CRMP1: variants seen among roughly 807,000 people sequenced by gnomAD.
CRMP1 encodes the protein collapsin response mediator protein 1.
In CRMP1, 19 loss-of-function variants were observed where a neutral mutation model predicts 68.3. The observed-to-expected ratio is 0.28, with a 90% confidence interval of 0.19 to 0.41. The LOEUF is 0.41. Ranked by LOEUF, CRMP1 falls within the 10% of genes least tolerant of loss-of-function variation. CRMP1 has a pLI of 1.00. For missense variants in CRMP1, 791 were observed against 967.4 expected (o/e 0.82, Z 2.42); for synonymous variants, 439 against 399.6 (o/e 1.10, Z -1.18).
chr4:5,831,165 G>GT (rs1430706719), intron 11 of CRMP1, among the ~76,000 whole-genome samples: 7 of 151,916 alleles, frequency 4.6e-5, no homozygotes, highest in African/African-American at 1.7e-4. Flanking sequence ...ACCCAGTTTG[G>GT]TTTCAAACTC....
chr4:5,888,697 C>T lies in CRMP1; in HGVS notation c.381+3892G>A. 1.2e-6 allele frequency: 1 copy of T among 862,690 alleles called. No individual in the cohort carries two copies. Among genetic ancestry groups the T allele is most frequent in the Non-Finnish European group, 1.4e-6 (1 of 718,964 alleles). The allele number at this position is 862,690 out of a possible 1,614,324, so 53.4% of individuals were successfully genotyped here. On this transcript the variant is annotated intron_variant, in intron 1 of 13. Transcript: ENST00000324989. The surrounding 1 kb of genome is among the most constrained non-coding windows in gnomAD (Gnocchi z 6.4). Reference sequence around the variant, plus strand: ...ACACGCCCTTGGCGGGCCCTGGCCTCGCTCTCGCGATCCAGAGAGTATGGT... The same window carrying T: ...ACACGCCCTTGGCGGGCCCTGGCCTTGCTCTCGCGATCCAGAGAGTATGGT...
At chr4:5,836,587 C>T (rs1238113638) in intron 10 of CRMP1, among the ~76,000 whole-genome samples, 178 bp downstream of exon 10, 1 of 152,236 alleles carries the variant, frequency 6.6e-6, no homozygotes, top group Non-Finnish European at 1.5e-5. Context: ...AGAGGCCTCT[C>T]CCGGACTTGA....
rs765182852 is a variant in CRMP1, at chr4:5,861,617, T to C, written c.471-407A>G. ...TTCCTCCAGGAGGTTAAATTCCAAATGGGGAAGGAGGGAAAAGAGCCTACG... is the reference window on the plus strand; with the variant it reads ...TTCCTCCAGGAGGTTAAATTCCAAACGGGGAAGGAGGGAAAAGAGCCTACG... On this transcript the variant is annotated intron_variant, in intron 2 of 13. Coordinates refer to ENST00000324989, the MANE Select transcript of CRMP1 (RefSeq NM_001014809.3). The surrounding 1 kb of genome is among the most constrained non-coding windows in gnomAD (Gnocchi z 6.0). 6.6e-6 allele frequency among the ~76,000 whole-genome samples: 1 copy of C among 151,902 alleles called. No homozygotes were observed. The highest frequency in any genetic ancestry group is 2.4e-5 in the African/African-American group (1 of 41,366).
chr4:5,836,261 G>A (rs1720715551), intron 10 of CRMP1, among the ~76,000 whole-genome samples, 176 bp from the exon 11 acceptor site: 1 of 152,182 alleles, frequency 6.6e-6, no homozygotes, highest in Non-Finnish European at 1.5e-5. Flanking sequence ...TCATCAGAGA[G>A]GACATTTAAT....
intron 1 of CRMP1, among the ~76,000 whole-genome samples, chr4:5,880,725 A>T (rs1379584647): frequency 6.6e-6 from 1 of 152,226 alleles, no homozygotes; most frequent in Non-Finnish European, 1.5e-5. Context: ...TTTGAGCTCC[A>T]AAACTCCTCA....
At chr4:5,857,488 CCATCATCACCACCATTGT>C in intron 3 of CRMP1, among the ~76,000 whole-genome samples, 1 of 152,070 alleles carries the variant, frequency 6.6e-6, no homozygotes, top group Non-Finnish European at 1.5e-5. Context: ...TTCATTACCA[CCATCATCACCACCATTGT>C]CATCATCATC....
chr4:5,845,304 G>A (rs950834559), intron 6 of CRMP1, among the ~76,000 whole-genome samples: 9 of 152,162 alleles, frequency 5.9e-5, no homozygotes, highest in Non-Finnish European at 8.8e-5. Flanking sequence ...TGTCACTCCC[G>A]AGGTCAGGTT....
rs1047249419 is a variant in CRMP1 at position 5,834,221 on chromosome 4, G to A, written c.1623+1694C>T. Among the ~76,000 whole-genome samples, 3 of 152,232 alleles carry A rather than the reference G, an allele frequency of 2.0e-5. No individual in the cohort carries two copies. The highest frequency in any genetic ancestry group is 7.2e-5 in the African/African-American group (3 of 41,458). On this transcript the variant is annotated intron_variant, in intron 11 of 13. Transcript: ENST00000324989. The surrounding 1 kb of genome is among the most constrained non-coding windows in gnomAD (Gnocchi z 4.3). ...AGATGGCGGTAGGAGTGCACACCCT[G>A]TGCTATGGTTGGAATATCCCCTCAA...
At chr4:5,836,398 TC>T (rs757912483) in intron 10 of CRMP1, among the ~76,000 whole-genome samples, 1 of 152,182 alleles carries the variant, frequency 6.6e-6, no homozygotes, top group Non-Finnish European at 1.5e-5. Context: ...ACCCAGCTCT[TC>T]CTCTGCAACA....
intron 1 of CRMP1, among the ~76,000 whole-genome samples, chr4:5,886,662 C>A (rs1161704441): frequency 6.6e-6 from 1 of 152,246 alleles, no homozygotes; most frequent in Non-Finnish European, 1.5e-5. Flanking sequence ...GGGCACACAG[C>A]CTCAAACCCA....
At chr4:5,824,653 A>C (rs1274133788) in intron 13 of CRMP1, 6 of 935,644 alleles carry the variant, frequency 6.4e-6, no homozygotes, top group Non-Finnish European at 7.5e-6. Flanking sequence ...GCTATTGAAT[A>C]TAACATCCTA....
In CRMP1 at chr4:5,821,878, G is replaced by GA; in HGVS notation, c.1970-28dup. The GA allele has an allele frequency of 6.3e-7, 1 of 1,578,554 alleles. No homozygotes were observed. The highest frequency in any genetic ancestry group is 1.3e-5 in the African/African-American group (1 of 74,776). On this transcript the variant is annotated intron_variant, in intron 13 of 13. Coordinates refer to ENST00000324989, the MANE Select transcript of CRMP1 (RefSeq NM_001014809.3). This position sits in a 1 kb window ranked among gnomAD's most constrained non-coding sequence, Gnocchi z 4.4. ...TGAAAGAGAGCGCCAATCGCTGCTGGATGGGATCTGTTAGCATCAGTTCCA... is the reference window on the plus strand; with the variant it reads ...TGAAAGAGAGCGCCAATCGCTGCTGGAATGGGATCTGTTAGCATCAGTTCCA...
At chr4:5,886,121 T>G (rs1329831202) in intron 1 of CRMP1, among the ~76,000 whole-genome samples, 1 of 152,206 alleles carries the variant, frequency 6.6e-6, no homozygotes, top group Non-Finnish European at 1.5e-5. Context: ...CCACAAACGC[T>G]TCTGGCTGAT....
rs532810194 is a variant in CRMP1 at position 5,870,939 on chromosome 4, G to A, written c.382-4183C>T. ...AGCTGGTGCATGGCTTCCGGAACAC[G>A]GCCGCCCCGCAGGCACCCGTCTGTC... On this transcript the variant is annotated intron_variant, in intron 1 of 13. Coordinates refer to ENST00000324989, the MANE Select transcript of CRMP1 (RefSeq NM_001014809.3). The surrounding 1 kb of genome is among the most constrained non-coding windows in gnomAD (Gnocchi z 6.0). Among the ~76,000 whole-genome samples the A allele has an allele frequency of 2.0e-5, 3 of 152,264 alleles. No homozygotes were observed. Among genetic ancestry groups the A allele is most frequent in the East Asian group, 1.9e-4 (1 of 5,162 alleles).
intron 2 of CRMP1, among the ~76,000 whole-genome samples, chr4:5,862,337 G>A (rs747367181): frequency 4.1e-5 from 6 of 147,518 alleles, no homozygotes; most frequent in Non-Finnish European, 7.4e-5. Flanking sequence ...GTCCACCGCC[G>A]CTGCTTATAA....
Position 5,838,143 on chromosome 4 carries a change from C to A in CRMP1, c.1311-1237G>T, listed in dbSNP as rs1720853763. Among the ~76,000 whole-genome samples, 1 of 152,084 alleles carries A rather than the reference C, an allele frequency of 6.6e-6. No individual in the cohort carries two copies. Among genetic ancestry groups the A allele is most frequent in the Non-Finnish European group, 1.5e-5 (1 of 68,032 alleles). On this transcript the variant is annotated intron_variant, in intron 9 of 13. Transcript: ENST00000324989. The surrounding 1 kb of genome is among the most constrained non-coding windows in gnomAD (Gnocchi z 4.9). Reference sequence around the variant, plus strand: ...CAAAGATCTGAAGGAAGTCACAGAGCAAACCATGTGGCGTCTAAGAAAGAG... The same window carrying A: ...CAAAGATCTGAAGGAAGTCACAGAGAAAACCATGTGGCGTCTAAGAAAGAG...
intron 1 of CRMP1, among the ~76,000 whole-genome samples, chr4:5,874,932 G>C (rs1164754547): frequency 1.3e-5 from 2 of 152,172 alleles, no homozygotes; most frequent in Non-Finnish European, 2.9e-5. Flanking sequence ...TCCTCGCGAA[G>C]ACTCTACCAA....
chr4:5,868,285 A>C (rs993719277), intron 1 of CRMP1, among the ~76,000 whole-genome samples: 1,522 of 122,538 alleles, frequency 0.012, 59 homozygotes, highest in Admixed American at 0.049. Flanking sequence ...ATATATATAT[A>C]TATATATATA....
chr4:5,825,406 C>T lies in CRMP1; in HGVS notation c.1969+88G>A, dbSNP rs561533514. 1 of 1,489,176 alleles carries T rather than the reference C, an allele frequency of 6.7e-7. No individual in the cohort carries two copies. Among genetic ancestry groups the T allele is most frequent in the East Asian group, 2.5e-5 (1 of 40,192 alleles). 92.2% of individuals were successfully genotyped at this position (1,489,176 alleles called of 1,614,324 possible). Reference sequence around the variant, plus strand: ...CTGCTTCTTCATCTAGTGTCCAAGGCCACGTGTCCATTTCCTCAGAAGCAG... The same window carrying T: ...CTGCTTCTTCATCTAGTGTCCAAGGTCACGTGTCCATTTCCTCAGAAGCAG... On this transcript the variant is annotated intron_variant, in intron 13 of 13. Transcript: ENST00000324989. This position sits in a 1 kb window ranked among gnomAD's most constrained non-coding sequence, Gnocchi z 4.4.
Sources: allele counts gnomAD v4.1 joint callset (sites outside exome capture counted in the v4.1 genomes callset), GRCh38; gene constraint gnomAD v4.1.1; non-coding constraint Gnocchi (gnomAD v3.1); transcripts MANE v1.5; gene names NCBI Gene and HGNC (gene_info 2026-07-23, HGNC 2026-07-21).